ACAN: variants seen among roughly 807,000 people sequenced by gnomAD.
ACAN encodes aggrecan, also known as aggrecan core protein.
In ACAN, 47 loss-of-function variants were observed where a neutral mutation model predicts 169.1. The ratio of observed to expected loss-of-function variants is 0.28; its 90% CI spans 0.22 to 0.35. The LOEUF (loss-of-function observed/expected upper bound fraction) is 0.35, where lower values mean the gene tolerates loss of function less well. Among genes scored for constraint, ACAN ranks in the 10% least tolerant of loss-of-function variants. ACAN has a pLI of 1.00. For synonymous variants in ACAN, 1,115 were observed against 1,112.2 expected (o/e 1.00, Z -0.05); for missense variants, 2,716 against 2,759.9 (o/e 0.98, Z 0.36).
Position 88,863,703 on chromosome 15 carries a change from A to G in ACAN, c.6946+3264A>G, listed in dbSNP as rs554782053. On this transcript the variant is annotated intron_variant, in intron 13 of 18. Transcript: ENST00000560601. ...TTGAAGCTCTGATCTATGACTTTCC[A>G]CTCTCTCTTCCTCTAGGAGAGATGT... Among the ~76,000 whole-genome samples, 7 of 151,996 alleles carry G rather than the reference A, an allele frequency of 4.6e-5. No homozygotes were observed. The East Asian group carries it at 1.4e-3, about 29-fold the overall frequency.
chr15:88,828,611 T>C (rs974083982), intron 1 of ACAN, among the ~76,000 whole-genome samples: 16 of 152,124 alleles, frequency 1.1e-4, no homozygotes, highest in Admixed American at 2.6e-4. Context: ...TGCATTGCCC[T>C]GGATGTTGCA....
At position 88,838,044 on chromosome 15, in the gene ACAN, G is replaced by A. The variant is rs977558321; in HGVS notation, c.71-619G>A. On this transcript the variant is annotated intron_variant, in intron 2 of 18. Coordinates refer to ENST00000560601, the MANE Select transcript of ACAN (RefSeq NM_001369268.1). This position sits in a 1 kb window ranked among gnomAD's most constrained non-coding sequence, Gnocchi z 5.1. ...GTTTGGAGTCTGATCCTATCCCATC[G>A]CCTCTCCTGCATCTGACTGTTTGCA... Among the ~76,000 whole-genome samples, 7 of 150,838 alleles carry A rather than the reference G, an allele frequency of 4.6e-5. No homozygotes were observed. Among genetic ancestry groups the A allele is most frequent in the Middle Eastern group, 3.2e-3 (1 of 316 alleles).
rs747957252 is a variant in ACAN, at chr15:88,871,584, T to C, written c.7219+44T>C. The C allele has an allele frequency of 4.5e-6, 7 of 1,570,700 alleles. No individual in the cohort carries two copies. The highest frequency in any genetic ancestry group is 6.0e-6 in the Non-Finnish European group (7 of 1,159,094). ...CTGGAGCCTGAGAGGAGAGTGGCGGTGTAGGCAAAGGGCCTCACCTTTCAG... is the reference window on the plus strand; with the variant it reads ...CTGGAGCCTGAGAGGAGAGTGGCGGCGTAGGCAAAGGGCCTCACCTTTCAG... On this transcript the variant is annotated intron_variant, in intron 15 of 18. Coordinates refer to ENST00000560601, the MANE Select transcript of ACAN (RefSeq NM_001369268.1). This position sits in a 1 kb window ranked among gnomAD's most constrained non-coding sequence, Gnocchi z 7.8.
In ACAN at chr15:88,839,843, C is replaced by A. The variant is rs1490089740; in HGVS notation, c.455-169C>A. Among the ~76,000 whole-genome samples the A allele has an allele frequency of 6.6e-6, 1 of 152,174 alleles. No individual in the cohort carries two copies. Among genetic ancestry groups the A allele is most frequent in the Non-Finnish European group, 1.5e-5 (1 of 68,038 alleles). ...AGCTCCCCATTACAGGGTGTTCCAG[C>A]AAATTCAGAAGGATCACGTGCAAAG... On this transcript the variant is annotated intron_variant, in intron 3 of 18. Transcript: ENST00000560601. This position sits in a 1 kb window ranked among gnomAD's most constrained non-coding sequence, Gnocchi z 4.5.
At chr15:88,820,333 G>A (rs765214910) in intron 1 of ACAN, among the ~76,000 whole-genome samples, 7 of 152,060 alleles carry the variant, frequency 4.6e-5, no homozygotes, top group Non-Finnish European at 8.8e-5. Context: ...AACATGATGG[G>A]GGACTTCATG....
rs1897168705 is a variant in ACAN, at chr15:88,860,321, T to C, written c.6833-5T>C. The C allele has an allele frequency of 6.2e-7, 1 of 1,603,496 alleles. No individual in the cohort carries two copies. Among genetic ancestry groups the C allele is most frequent in the African/African-American group, 1.3e-5 (1 of 74,704 alleles). On this transcript the variant is annotated splice_region_variant and splice_polypyrimidine_tract_variant and intron_variant, in intron 12 of 18. Transcript: ENST00000560601. The stretch of plus-strand genomic sequence containing the variant: ...GATGCTCAACCTCTCCCCTGGGGGT[T>C]GCAGCCCCCGCCAGGTCCTGTGCAG...
At chr15:88,842,656 C>A (rs920018815) in intron 5 of ACAN, among the ~76,000 whole-genome samples, 4 of 152,336 alleles carry the variant, frequency 2.6e-5, no homozygotes, top group African/African-American at 7.2e-5. Context: ...CCCCAGGGGG[C>A]AAACCTGCCT....
In ACAN at chr15:88,851,766, T is replaced by C. The variant is rs1396458708; in HGVS notation, c.2027-28T>C. 7 of 1,542,684 alleles carry C rather than the reference T, an allele frequency of 4.5e-6. No individual in the cohort carries two copies. The highest frequency in any genetic ancestry group is 6.1e-6 in the Non-Finnish European group (7 of 1,142,650). Reference sequence around the variant, plus strand: ...GACGGGTCACTGGTAAGAGAGGGACTCACTCTGACCACCCACATCTCCTTT... The same window carrying C: ...GACGGGTCACTGGTAAGAGAGGGACCCACTCTGACCACCCACATCTCCTTT... On this transcript the variant is annotated intron_variant, in intron 10 of 18. Transcript: ENST00000560601. This position sits in a 1 kb window ranked among gnomAD's most constrained non-coding sequence, Gnocchi z 4.3.
At chr15:88,823,082 T>C (rs1383784395) in intron 1 of ACAN, among the ~76,000 whole-genome samples, 2 of 152,224 alleles carry the variant, frequency 1.3e-5, no homozygotes, top group African/African-American at 4.8e-5. Flanking sequence ...TTATTAAACC[T>C]GGGCTCAATT....
At position 88,838,813 on chromosome 15, in the gene ACAN, A is replaced by G. The variant is rs1896573345; in HGVS notation, c.221A>G (p.Lys74Arg). The stretch of plus-strand genomic sequence containing the variant: ...ACCGCCCCACTGGCCCCAAGAATCA[A>G]GTGGAGCCGTGTGTCCAAGGAGAAG... ...PSTAPLAPRIKWSRVSKEKEV... is the reference protein window; with the variant it reads ...PSTAPLAPRIRWSRVSKEKEV... Residue 74 changes from lysine to arginine, a missense_variant, in exon 3 of 19, where the codon AAG becomes AGG. By Grantham distance (26) the Lys-to-Arg change is conservative. Coordinates refer to ENST00000560601, the MANE Select transcript of ACAN (RefSeq NM_001369268.1). This position sits in a 1 kb window ranked among gnomAD's most constrained non-coding sequence, Gnocchi z 5.1. 6.2e-7 allele frequency: 1 copy of G among 1,613,858 alleles called. No individual in the cohort carries two copies. Among genetic ancestry groups the G allele is most frequent in the Admixed American group, 1.7e-5 (1 of 60,008 alleles).
chr15:88,867,810 G>C (rs1175749578), intron 13 of ACAN, among the ~76,000 whole-genome samples: 1 of 152,224 alleles, frequency 6.6e-6, no homozygotes, highest in Non-Finnish European at 1.5e-5. Flanking sequence ...CTTGACTTCA[G>C]TTTCCTTGCT....
rs1048903167 is a variant in ACAN at position 88,851,968 on chromosome 15, C to A, written c.2201C>A (p.Thr734Asn). ...GETTAILEFT[T>N]EPENQTEWEP... ...ACTACTGCCATCCTAGAGTTCACCA[C>A]CGAGCCAGAAAACCAGACAGAATGG... Residue 734 changes from threonine to asparagine, a missense_variant, in exon 11 of 19, where the codon ACC becomes AAC. Physicochemically the swap from Thr to Asn is moderately conservative, Grantham distance 65 (BLOSUM62 0). This residue lies in a region of ACAN where 1,283 missense variants were observed against 1,281.5 expected (regional missense o/e 1.00). Coordinates refer to ENST00000560601, the MANE Select transcript of ACAN (RefSeq NM_001369268.1). The surrounding 1 kb of genome is among the most constrained non-coding windows in gnomAD (Gnocchi z 4.3). The A allele has an allele frequency of 1.9e-6, 3 of 1,612,298 alleles. No individual in the cohort carries two copies. Among genetic ancestry groups the A allele is most frequent in the Non-Finnish European group, 2.5e-6 (3 of 1,179,278 alleles).
At position 88,851,482 on chromosome 15, in the gene ACAN, C is replaced by A; in HGVS notation, c.2027-312C>A. On this transcript the variant is annotated intron_variant, in intron 10 of 18. Coordinates refer to ENST00000560601, the MANE Select transcript of ACAN (RefSeq NM_001369268.1). The surrounding 1 kb of genome is among the most constrained non-coding windows in gnomAD (Gnocchi z 4.3). ...CATCTGTAAAATGAGATAATCATATCTCTCTCATAAAGCTGTTGTGAGATA... is the reference window on the plus strand; with the variant it reads ...CATCTGTAAAATGAGATAATCATATATCTCTCATAAAGCTGTTGTGAGATA... 1 of 263,926 alleles carries A rather than the reference C, an allele frequency of 3.8e-6. No homozygotes were observed. Among genetic ancestry groups the A allele is most frequent in the Non-Finnish European group, 7.1e-6 (1 of 140,336 alleles). The allele number at this position is 263,926 out of a possible 1,614,324, so 16.3% of individuals were successfully genotyped here.
rs1896719106 is a variant in ACAN, at chr15:88,843,543, C to A, written c.946C>A (p.Pro316Thr). 1.2e-6 allele frequency: 2 copies of A among 1,612,566 alleles called. No individual in the cohort carries two copies. Among genetic ancestry groups the A allele is most frequent in the Admixed American group, 1.7e-5 (1 of 59,972 alleles). The change falls in exon 6 of 19, where the codon CCC (proline) becomes ACC (threonine). Residue 316 changes from proline (P) to threonine (T), a missense_variant. By Grantham distance (38) the Pro-to-Thr change is conservative (BLOSUM62 -1). Transcript: ENST00000560601. The surrounding 1 kb of genome is among the most constrained non-coding windows in gnomAD (Gnocchi z 4.0). ...SVRYPISKAR[P>T]NCGGNLLGVR... is the part of the protein sequence containing the mutation. ...GCGCTACCCCATCTCCAAGGCCCGG[C>A]CCAACTGCGGTGGCAACCTCCTGGG...
At chr15:88,847,095 G>C (rs776108390) in intron 7 of ACAN, 148 bp from the exon 8 acceptor site, 2 of 887,434 alleles carry the variant, frequency 2.3e-6, no homozygotes, top group East Asian at 5.7e-5. Flanking sequence ...TCACACCCAC[G>C]TGGCTACCAA....
At chr15:88,853,758 A>G (rs1896984135) in intron 11 of ACAN, among the ~76,000 whole-genome samples, 1 of 33,204 alleles carries the variant, frequency 3.0e-5, no homozygotes, top group Admixed American at 2.1e-4. Context: ...AGATAGATAC[A>G]TACATACATA....
In ACAN at chr15:88,838,706, G is replaced by A. The variant is rs367956651; in HGVS notation, c.114G>A (p.Pro38=). The change falls in exon 3 of 19, where the codon CCG becomes CCA. Residue 38 remains proline, a synonymous_variant. Transcript: ENST00000560601. This position sits in a 1 kb window ranked among gnomAD's most constrained non-coding sequence, Gnocchi z 5.1. Reference sequence around the variant, plus strand: ...GTGTCAGCATCCCCCAACCGTCCCCGCTGAGGGTCCTCCTGGGGACCTCCC... The same window carrying A: ...GTGTCAGCATCCCCCAACCGTCCCCACTGAGGGTCCTCCTGGGGACCTCCC... ...SLSVSIPQPS[P]LRVLLGTSLT... is the part of the protein sequence containing the mutation. The A allele has an allele frequency of 1.0e-4, 162 of 1,606,596 alleles. No homozygotes were observed. Among genetic ancestry groups the A allele is most frequent in the African/African-American group, 9.2e-4 (69 of 74,756 alleles).
Position 88,873,757 on chromosome 15 carries a change from C to A in ACAN, c.7448-85C>A. On this transcript the variant is annotated intron_variant, in intron 17 of 18. Transcript: ENST00000560601. The surrounding 1 kb of genome is among the most constrained non-coding windows in gnomAD (Gnocchi z 7.5). ...TCACTGTCAGATGTTGAGGCTGTGT[C>A]CCCCACAGTGCCTCGGGTCACAACC... 2 of 1,416,198 alleles carry A rather than the reference C, an allele frequency of 1.4e-6. No homozygotes were observed. Among genetic ancestry groups the A allele is most frequent in the Non-Finnish European group, 9.7e-7 (1 of 1,031,372 alleles). The allele number at this position is 1,416,198 out of a possible 1,614,324, so 87.7% of individuals were successfully genotyped here.
chr15:88,837,510 C>A (rs564485736), intron 2 of ACAN, among the ~76,000 whole-genome samples: 3 of 152,182 alleles, frequency 2.0e-5, no homozygotes, highest in African/African-American at 7.2e-5. Flanking sequence ...CACAGCCATG[C>A]AGCCCCTGGC....
Sources: gnomAD v4.1 joint callset for allele counts (sites outside exome capture counted in the v4.1 genomes callset) on GRCh38, gnomAD v4.1.1 for gene constraint, gnomAD v4.1.1 regional missense constraint, Gnocchi (gnomAD v3.1) non-coding constraint, MANE v1.5 for transcripts, NCBI Gene and HGNC (gene_info 2026-07-23, HGNC 2026-07-21) for gene names.